Variants in HID1 observed in about 807,000 individuals in gnomAD.
The protein encoded by HID1 is HID1 domain containing.
In HID1, 42 loss-of-function variants were observed where a neutral mutation model predicts 89.7. The observed-to-expected ratio is 0.47, with a 90% CI of 0.37 to 0.61. The LOEUF (loss-of-function observed/expected upper bound fraction) is 0.61. HID1 is among the 20% of genes least tolerant of loss of function. The pLI is 0.00. For synonymous variants in HID1, 442 were observed against 433.8 expected (o/e 1.02, Z -0.24); for missense variants, 854 against 1,039.3 (o/e 0.82, Z 2.45).
intron 13 of HID1, chr17:74,954,792 T>C (rs375840393): frequency 4.6e-6 from 1 of 216,758 alleles, no homozygotes; most frequent in South Asian, 6.5e-5. Context: ...TGACTTCTCC[T>C]GGCTCTCAGG....
rs1315146357 is a variant in HID1, at chr17:74,972,366, GGA to G, written c.66+223_66+224del. 6.6e-6 allele frequency among the ~76,000 whole-genome samples: 1 copy of G among 152,202 alleles called. No individual in the cohort carries two copies. ...CCTAAGGTGGCAGCAGCGGCTTCGG[GGA>G]GAGGGGTGTTCCCAGGAGAGGAGGC... is the stretch of plus-strand genomic sequence containing the variant. On this transcript the variant is annotated intron_variant, in intron 1 of 18. Coordinates refer to ENST00000425042, the MANE Select transcript of HID1 (RefSeq NM_030630.3). The surrounding 1 kb of genome is among the most constrained non-coding windows in gnomAD (Gnocchi z 6.4).
Position 74,958,848 on chromosome 17 carries a change from G to GC in HID1, c.1149+62dup. On this transcript the variant is annotated intron_variant, in intron 9 of 18. Coordinates refer to ENST00000425042, the MANE Select transcript of HID1 (RefSeq NM_030630.3). The surrounding 1 kb of genome is among the most constrained non-coding windows in gnomAD (Gnocchi z 5.2). ...CCCCCCTCAGTCTGACACTGTCCCT[G>GC]CCCCCGGGTTATTGGGGCAGCTGCT... 1.3e-6 allele frequency: 2 copies of GC among 1,584,672 alleles called. No individual in the cohort carries two copies. Among genetic ancestry groups the GC allele is most frequent in the Non-Finnish European group, 1.7e-6 (2 of 1,164,626 alleles).
chr17:74,954,309 C>T lies in HID1; in HGVS notation c.1693G>A (p.Ala565Thr), dbSNP rs867350116. ...IRKRSIFHQL[A>T]NLPTDPPTIH... is the part of the protein sequence containing the mutation. ...GTGGGCGGGTCCGTGGGCAGGTTGGCCAGCTGGTGGAAGATGCTGCGCTTG... is the reference window on the plus strand; with the variant it reads ...GTGGGCGGGTCCGTGGGCAGGTTGGTCAGCTGGTGGAAGATGCTGCGCTTG... The change falls in exon 14 of 19, where the codon GCC becomes ACC. Residue 565 changes from alanine (A) to threonine (T), a missense_variant. Ala to Thr is a moderately conservative substitution (Grantham distance 58, BLOSUM62 0). Coordinates refer to ENST00000425042, the MANE Select transcript of HID1 (RefSeq NM_030630.3). 2 of 1,586,516 alleles carry T rather than the reference C, an allele frequency of 1.3e-6. No homozygotes were observed. The highest frequency in any genetic ancestry group is 1.7e-6 in the Non-Finnish European group (2 of 1,167,076).
chr17:74,961,994 TAGG>T lies in HID1; in HGVS notation c.612-8_612-6del. 1.3e-6 allele frequency: 2 copies of T among 1,561,418 alleles called. No individual in the cohort carries two copies. The highest frequency in any genetic ancestry group is 1.7e-6 in the Non-Finnish European group (2 of 1,153,690). ...AGCAGTTTCAGCAGCTCCATCCTTG[TAGG>T]AGGAAGGGGGAGGGCACCTTAGGAT... On this transcript the variant is annotated splice_polypyrimidine_tract_variant and splice_region_variant and intron_variant, in intron 5 of 18. Transcript: ENST00000425042.
Position 74,962,679 on chromosome 17 carries a change from G to A in HID1, c.504+286C>T, listed in dbSNP as rs1237689266. 6.6e-6 allele frequency among the ~76,000 whole-genome samples: 1 copy of A among 152,158 alleles called. No individual in the cohort carries two copies. Among genetic ancestry groups the A allele is most frequent in the Non-Finnish European group, 1.5e-5 (1 of 68,012 alleles). On this transcript the variant is annotated intron_variant, in intron 4 of 18. Coordinates refer to ENST00000425042, the MANE Select transcript of HID1 (RefSeq NM_030630.3). The surrounding 1 kb of genome is among the most constrained non-coding windows in gnomAD (Gnocchi z 4.3). Reference sequence around the variant, plus strand: ...CAAGGTGAAGTCCATGCCACCACAGGAAGCAAGAGGGCCAGCCCTCCTGTG... The same window carrying A: ...CAAGGTGAAGTCCATGCCACCACAGAAAGCAAGAGGGCCAGCCCTCCTGTG...
In HID1 at chr17:74,955,942, T is replaced by C; in HGVS notation, c.1486A>G (p.Lys496Glu). 1.2e-6 allele frequency: 2 copies of C among 1,613,570 alleles called. No homozygotes were observed. Among genetic ancestry groups the C allele is most frequent in the Non-Finnish European group, 1.7e-6 (2 of 1,179,616 alleles). Residue 496 changes from lysine (K) to glutamate (E), a missense_variant, in exon 13 of 19, where the codon AAG becomes GAG. Transcript: ENST00000425042. ...TTGGCAGTCACCATGGACAGGCTCTTGAGGTAGGGGGACACTGTAAGGGAG... is the reference window on the plus strand; with the variant it reads ...TTGGCAGTCACCATGGACAGGCTCTCGAGGTAGGGGGACACTGTAAGGGAG... Reference protein sequence around the residue: ...TIVVNVSPYLKSLSMVTANKL... With the variant: ...TIVVNVSPYLESLSMVTANKL...
chr17:74,959,115 CCAG>C lies in HID1; in HGVS notation c.1009-67_1009-65del, dbSNP rs2039440694. 6.8e-7 allele frequency: 1 copy of C among 1,470,526 alleles called. No individual in the cohort carries two copies. Among genetic ancestry groups the C allele is most frequent in the Admixed American group, 2.8e-5 (1 of 35,654 alleles). The allele number at this position is 1,470,526 out of a possible 1,614,324, so 91.1% of individuals were successfully genotyped here. A position where few individuals can be genotyped will look rare whatever the true frequency, so the allele number is the denominator to read the frequency against. On this transcript the variant is annotated intron_variant, in intron 8 of 18. Coordinates refer to ENST00000425042, the MANE Select transcript of HID1 (RefSeq NM_030630.3). The surrounding 1 kb of genome is among the most constrained non-coding windows in gnomAD (Gnocchi z 4.6). ...ATCCCTGCAGCTCCAGTTTCCCAGC[CCAG>C]GCCCCCAACAAATCCCCCCCTCCAT...
intron 13 of HID1, chr17:74,954,856 CA>C (rs11306973): frequency 0.78 from 134,276 of 171,432 alleles, 56,004 homozygotes; most frequent in Non-Finnish European, 0.93. Flanking sequence ...CTTTCAGTTC[CA>C]ACATCCCACC....
In HID1 at chr17:74,962,245, G is replaced by A. The variant is rs765865633; in HGVS notation, c.600C>T (p.His200=). The A allele has an allele frequency of 2.1e-5, 33 of 1,607,844 alleles. 1 individual carries two copies. In the South Asian group the frequency reaches 2.6e-4, roughly 13 times the overall value. Residue 200 remains histidine (H), a synonymous_variant, in exon 5 of 19, where the codon CAC becomes CAT. Transcript: ENST00000425042. This position sits in a 1 kb window ranked among gnomAD's most constrained non-coding sequence, Gnocchi z 4.3. ...TGGGCGAAGCTCACCGGTTCATATCGTGGATGTAGTTAGGCTGGGGGGAGT... is the reference window on the plus strand; with the variant it reads ...TGGGCGAAGCTCACCGGTTCATATCATGGATGTAGTTAGGCTGGGGGGAGT... ...FAHSPQPNYI[H]DMNRMELLKL...
intron 2 of HID1, 167 bp from the exon 3 acceptor site, chr17:74,964,077 T>A: frequency 1.5e-6 from 1 of 681,616 alleles, no homozygotes. Flanking sequence ...GGAGTTGGGG[T>A]CGGCCAGCCT....
chr17:74,963,064 A>G lies in HID1; in HGVS notation c.405T>C (p.Asp135=). The change falls in exon 4 of 19, where the codon GAT becomes GAC. Residue 135 remains aspartate (D), a synonymous_variant. Coordinates refer to ENST00000425042, the MANE Select transcript of HID1 (RefSeq NM_030630.3). ...ACTCGGCCAGGGGCCTGGCATGCTC[A>G]TCATCCTCTTCTCCCTGCTGGGGAC... ...AGRGGQGEED[D]EHARPLAESL... is the part of the protein sequence containing the mutation. 6.2e-7 allele frequency: 1 copy of G among 1,610,288 alleles called. No individual in the cohort carries two copies. Among genetic ancestry groups the G allele is most frequent in the Non-Finnish European group, 8.5e-7 (1 of 1,178,108 alleles).
rs973613992 is a variant in HID1, at chr17:74,962,613, G to A, written c.505-273C>T. The stretch of plus-strand genomic sequence containing the variant: ...CAGGGAGAAAGGGAGGGAGGGGCAG[G>A]GGATTGGGTGCCCCGGGTTTGGGGG... On this transcript the variant is annotated intron_variant, in intron 4 of 18. Coordinates refer to ENST00000425042, the MANE Select transcript of HID1 (RefSeq NM_030630.3). This position sits in a 1 kb window ranked among gnomAD's most constrained non-coding sequence, Gnocchi z 4.3. Among the ~76,000 whole-genome samples, 1 of 152,220 alleles carries A rather than the reference G, an allele frequency of 6.6e-6. No homozygotes were observed. The highest frequency in any genetic ancestry group is 1.5e-5 in the Non-Finnish European group (1 of 68,028).
chr17:74,957,610 T>TA (rs199526829), intron 12 of HID1, among the ~76,000 whole-genome samples: 89 of 137,694 alleles, frequency 6.5e-4, no homozygotes, highest in Non-Finnish European at 9.6e-4. Flanking sequence ...TTTTTTTTTT[T>TA]AAAAAAAGGC....
chr17:74,962,335 C>A lies in HID1; in HGVS notation c.510G>T (p.Ser170=). 1 of 1,608,300 alleles carries A rather than the reference C, an allele frequency of 6.2e-7. No homozygotes were observed. The highest frequency in any genetic ancestry group is 8.5e-7 in the Non-Finnish European group (1 of 1,175,802). Residue 170 remains serine (S), a synonymous_variant, in exon 5 of 19, where the codon TCG becomes TCT. Coordinates refer to ENST00000425042, the MANE Select transcript of HID1 (RefSeq NM_030630.3). The surrounding 1 kb of genome is among the most constrained non-coding windows in gnomAD (Gnocchi z 4.3). ...VQSHRRSTVD[S]AEDVHSLDSC... ...TGTCCAGGGAGTGGACGTCCTCTGC[C>A]GAGTCCTGGGGACAGGCCAGGAAGA...
chr17:74,958,301 G>A lies in HID1; in HGVS notation c.1392+26C>T, dbSNP rs375687291. On this transcript the variant is annotated intron_variant, in intron 11 of 18. Coordinates refer to ENST00000425042, the MANE Select transcript of HID1 (RefSeq NM_030630.3). The surrounding 1 kb of genome is among the most constrained non-coding windows in gnomAD (Gnocchi z 5.2). ...AGAGGACACCACCCCTGCACCTCCT[G>A]GGCCCGGCCGCACGAGCCCCCTCAC... is the stretch of plus-strand genomic sequence containing the variant. 12 of 1,611,378 alleles carry A rather than the reference G, an allele frequency of 7.4e-6. No homozygotes were observed. The highest frequency in any genetic ancestry group is 1.7e-5 in the Admixed American group (1 of 59,716).
In HID1 at chr17:74,960,050, A is replaced by C. The variant is rs2039454795; in HGVS notation, c.927T>G (p.Thr309=). The change falls in exon 7 of 19, where the codon ACT becomes ACG. Residue 309 remains threonine (T), a synonymous_variant. Coordinates refer to ENST00000425042, the MANE Select transcript of HID1 (RefSeq NM_030630.3). ...SASPTVDGTT[T]GTAMDDADPP... The stretch of plus-strand genomic sequence containing the variant: ...CATCGGCATCATCCATGGCGGTGCC[A>C]GTGGTGGTGCCGTCCACAGTGGGGC... 2 of 1,613,496 alleles carry C rather than the reference A, an allele frequency of 1.2e-6. No individual in the cohort carries two copies. The highest frequency in any genetic ancestry group is 3.3e-5 in the Admixed American group (2 of 59,994).
intron 1 of HID1, among the ~76,000 whole-genome samples, chr17:74,971,696 C>A (rs1385617852): frequency 6.6e-6 from 1 of 152,130 alleles, no homozygotes; most frequent in Admixed American, 6.5e-5. Context: ...TCTGTGGCCA[C>A]GGTGGCCTGA....
At chr17:74,952,981 C>T (rs1342673984) in intron 16 of HID1, 25 bp downstream of exon 16, 6 of 1,571,782 alleles carry the variant, frequency 3.8e-6, no homozygotes, top group African/African-American at 1.3e-5. Flanking sequence ...AGCCCCCGCT[C>T]GCCTGGCACA....
At chr17:74,960,329 G>A in intron 6 of HID1, 81 bp from the exon 7 acceptor site, 1 of 1,237,822 alleles carries the variant, frequency 8.1e-7, no homozygotes, top group South Asian at 1.4e-5. Context: ...CACGTGGGAA[G>A]GTCAGCCTCA....
Sources: allele counts gnomAD v4.1 joint callset (sites outside exome capture counted in the v4.1 genomes callset), GRCh38; gene constraint gnomAD v4.1.1; non-coding constraint Gnocchi (gnomAD v3.1); transcripts MANE v1.5; gene names NCBI Gene and HGNC (gene_info 2026-07-23, HGNC 2026-07-21).